CFHR4: variants seen among roughly 807,000 people sequenced by gnomAD.
CFHR4 encodes complement factor H-related protein 4.
In CFHR4, 64 loss-of-function variants were observed where a neutral mutation model predicts 69.3. That is an observed-to-expected ratio of 0.92 (90% CI 0.76 to 1.14). The LOEUF (loss-of-function observed/expected upper bound fraction) is 1.14. Ranked by LOEUF, CFHR4 falls within the 50% of genes most tolerant of loss-of-function variation. The pLI is 0.00. For synonymous variants in CFHR4, 244 were observed against 237.0 expected (o/e 1.03, Z -0.27); for missense variants, 636 against 684.9 (o/e 0.93, Z 0.80).
chr1:196,904,360 C>A (rs531266656), intron 2 of CFHR4, among the ~76,000 whole-genome samples: 16 of 151,532 alleles, frequency 1.1e-4, no homozygotes, highest in Admixed American at 7.2e-4. Flanking sequence ...GATTTATTTT[C>A]CTTTCAGATA....
intron 1 of CFHR4, among the ~76,000 whole-genome samples, chr1:196,901,681 A>G (rs2124948506): frequency 6.6e-6 from 1 of 151,498 alleles, no homozygotes; most frequent in Admixed American, 6.6e-5. Context: ...CCTTATAATA[A>G]CATAGTGCTT....
intron 9 of CFHR4, among the ~76,000 whole-genome samples, chr1:196,917,628 T>C (rs1658722950): frequency 6.6e-6 from 1 of 151,130 alleles, no homozygotes. Flanking sequence ...ATGATGGTGA[T>C]AGAGAGAGAG....
Position 196,914,360 on chromosome 1 carries a change from T to C in CFHR4, c.1181-135T>C. On this transcript the variant is annotated intron_variant, in intron 7 of 9. Coordinates refer to ENST00000608469, the MANE Select transcript of CFHR4 (RefSeq NM_001201550.3). ...ATTATAGCACAAAAAGCACTGATTG[T>C]CAGACTATTTTTAATAGTACTCAAT... 3 of 792,060 alleles carry C rather than the reference T, an allele frequency of 3.8e-6. 1 individual carries two copies. In the South Asian group the frequency reaches 9.2e-5, roughly 24 times the overall value. The allele number at this position is 792,060 out of a possible 1,614,324, so 49.1% of individuals were successfully genotyped here. A position where few individuals can be genotyped will look rare whatever the true frequency, so the allele number is the denominator to read the frequency against.
intron 3 of CFHR4, among the ~76,000 whole-genome samples, chr1:196,906,227 TAGAA>T (rs1657900498): frequency 6.6e-6 from 1 of 151,450 alleles, no homozygotes; most frequent in South Asian, 2.1e-4. Flanking sequence ...ATGCTACACT[TAGAA>T]AGTGATTATC....
chr1:196,894,888 A>AC (rs751760407), intron 1 of CFHR4, among the ~76,000 whole-genome samples: 21,763 of 101,358 alleles, frequency 0.21, 1,976 homozygotes, highest in Middle Eastern at 0.42. Flanking sequence ...CCTGTCTCTA[A>AC]AAACAACAAC....
At position 196,910,573 on chromosome 1, in the gene CFHR4, G is replaced by A. The variant is rs146066397; in HGVS notation, c.997+95G>A. On this transcript the variant is annotated intron_variant, in intron 6 of 9. Coordinates refer to ENST00000608469, the MANE Select transcript of CFHR4 (RefSeq NM_001201550.3). ...TGATTACATTGTCTTATATGACAGA[G>A]ATGGTACCAAAGGAAGAGTTGTTCA... 810 of 1,034,838 alleles carry A rather than the reference G, an allele frequency of 7.8e-4. 21 individuals are homozygous for A. In the African/African-American group the frequency reaches 0.011, roughly 14 times the overall value. The allele number at this position is 1,034,838 out of a possible 1,614,324, so 64.1% of individuals were successfully genotyped here. A position where few individuals can be genotyped will look rare whatever the true frequency, so the allele number is the denominator to read the frequency against.
chr1:196,897,280 GC>G (rs1232680265), intron 1 of CFHR4, among the ~76,000 whole-genome samples: 1 of 151,554 alleles, frequency 6.6e-6, no homozygotes, highest in Non-Finnish European at 1.5e-5. Flanking sequence ...CGGCATGAGT[GC>G]TTTTGAGCTC....
rs1053184623 is a variant in CFHR4, at chr1:196,918,527, A to G, written c.*121A>G. On this transcript the variant is annotated 3_prime_UTR_variant, in exon 10 of 10. Transcript: ENST00000608469. ...CTACTTTATTTCAAAGAAAATTAATATAATAGTTTCAATTTGCAACTTAAT... is the reference window on the plus strand; with the variant it reads ...CTACTTTATTTCAAAGAAAATTAATGTAATAGTTTCAATTTGCAACTTAAT... 2 of 1,039,470 alleles carry G rather than the reference A, an allele frequency of 1.9e-6. No homozygotes were observed. Among genetic ancestry groups the G allele is most frequent in the East Asian group, 2.7e-5 (1 of 37,268 alleles). The allele number at this position is 1,039,470 out of a possible 1,614,324, so 64.4% of individuals were successfully genotyped here. A position where few individuals can be genotyped will look rare whatever the true frequency, so the allele number is the denominator to read the frequency against.
Position 196,888,071 on chromosome 1 carries a change from G to T in CFHR4, c.-80G>T. 7.1e-7 allele frequency: 1 copy of T among 1,409,930 alleles called. No individual in the cohort carries two copies. The highest frequency in any genetic ancestry group is 1.2e-5 in the South Asian group (1 of 85,854). 87.3% of individuals were successfully genotyped at this position (1,409,930 alleles called of 1,614,324 possible). On this transcript the variant is annotated 5_prime_UTR_variant, in exon 1 of 10. Coordinates refer to ENST00000608469, the MANE Select transcript of CFHR4 (RefSeq NM_001201550.3). The stretch of plus-strand genomic sequence containing the variant: ...GCACTTAAATTCAGAATCACACTTG[G>T]TAACTAATAATGAAAGATTTCAAAC...
At chr1:196,892,011 A>G (rs1237991289) in intron 1 of CFHR4, among the ~76,000 whole-genome samples, 1 of 151,488 alleles carries the variant, frequency 6.6e-6, no homozygotes, top group Admixed American at 6.6e-5. Context: ...TTCTTATGTT[A>G]TAGTAATATT....
chr1:196,909,680 G>A (rs1286816658), intron 5 of CFHR4, among the ~76,000 whole-genome samples: 1 of 151,148 alleles, frequency 6.6e-6, no homozygotes, highest in Non-Finnish European at 1.5e-5. Flanking sequence ...GAAGAGGAGT[G>A]AATGATATCA....
intron 4 of CFHR4, 73 bp from the exon 5 acceptor site, chr1:196,907,243 T>A: frequency 7.5e-7 from 1 of 1,328,450 alleles, no homozygotes; most frequent in South Asian, 1.2e-5. Context: ...TTTAAGAGTA[T>A]ATAAAAAGCT....
chr1:196,894,062 ACT>A (rs1387634527), intron 1 of CFHR4, among the ~76,000 whole-genome samples: 1 of 151,402 alleles, frequency 6.6e-6, no homozygotes, highest in South Asian at 2.1e-4. Context: ...ATATTACAAC[ACT>A]CTCAGTTAAA....
Position 196,918,061 on chromosome 1 carries a change from A to G in CFHR4, c.1541-149A>G, listed in dbSNP as rs541664604. Reference sequence around the variant, plus strand: ...GAACTTATTATATTTTTGAAATGCTAAAGTCAGTATGTAGCACAAATTAAT... The same window carrying G: ...GAACTTATTATATTTTTGAAATGCTGAAGTCAGTATGTAGCACAAATTAAT... On this transcript the variant is annotated intron_variant, in intron 9 of 9. Coordinates refer to ENST00000608469, the MANE Select transcript of CFHR4 (RefSeq NM_001201550.3). The G allele has an allele frequency of 1.9e-4, 164 of 863,104 alleles. 4 individuals carry two copies. In the African/African-American group the frequency reaches 2.7e-3, roughly 14 times the overall value. 53.5% of individuals were successfully genotyped at this position (863,104 alleles called of 1,614,324 possible).
In CFHR4 at chr1:196,911,333, A is replaced by G. The variant is rs528400963; in HGVS notation, c.997+855A>G. Reference sequence around the variant, plus strand: ...AAATCATGAATAGCACAAAATAAATAGACTACGGATTAAAGTAACATTGCT... The same window carrying G: ...AAATCATGAATAGCACAAAATAAATGGACTACGGATTAAAGTAACATTGCT... On this transcript the variant is annotated intron_variant, in intron 6 of 9. Transcript: ENST00000608469. Among the ~76,000 whole-genome samples the G allele has an allele frequency of 1.7e-3, 255 of 151,714 alleles. 8 individuals carry two copies. Among genetic ancestry groups the G allele is most frequent in the African/African-American group, 5.8e-3 (240 of 41,220 alleles).
intron 4 of CFHR4, 66 bp downstream of exon 4, chr1:196,907,103 T>C: frequency 2.2e-6 from 3 of 1,357,704 alleles, no homozygotes; most frequent in East Asian, 2.5e-5. Context: ...CATATGTATA[T>C]GTACACATAT....
chr1:196,905,786 A>T (rs1657877739), intron 3 of CFHR4, among the ~76,000 whole-genome samples: 1 of 151,510 alleles, frequency 6.6e-6, no homozygotes, highest in Non-Finnish European at 1.5e-5. Flanking sequence ...CCAACTCAAA[A>T]AATTATTTCC....
intron 7 of CFHR4, 100 bp from the exon 8 acceptor site, chr1:196,914,395 C>T: frequency 7.9e-7 from 1 of 1,263,136 alleles, no homozygotes; most frequent in South Asian, 1.7e-5. Context: ...TTTATTAGCA[C>T]ACACTGATTG....
In CFHR4 at chr1:196,913,822, A is replaced by T. The variant is rs74136016; in HGVS notation, c.1181-673A>T. Among the ~76,000 whole-genome samples, 379 of 151,578 alleles carry T rather than the reference A, an allele frequency of 2.5e-3. 10 individuals carry two copies. Among genetic ancestry groups the T allele is most frequent in the African/African-American group, 8.8e-3 (362 of 41,200 alleles). On this transcript the variant is annotated intron_variant, in intron 7 of 9. Transcript: ENST00000608469. ...GATGACTCTCAAAAATACTAGGCTA[A>T]GTGAGAAAAAAGAAAGACACATTTA...
Sources: gnomAD v4.1 joint callset for allele counts (sites outside exome capture counted in the v4.1 genomes callset) on GRCh38, gnomAD v4.1.1 for gene constraint, MANE v1.5 for transcripts, NCBI Gene and HGNC (gene_info 2026-07-23, HGNC 2026-07-21) for gene names.